Variants in RIGI observed in about 807,000 individuals in gnomAD.
The protein encoded by RIGI is RNA sensor RIG-I.
chr9:32,460,485 GAAAA>G, the RIGI span, among the ~76,000 whole-genome samples: 1 of 148,948 alleles, frequency 6.7e-6, no homozygotes, highest in African/African-American at 2.5e-5. Flanking sequence ...CAAACTGAAT[GAAAA>G]AAAAAGACAA....
the RIGI span, among the ~76,000 whole-genome samples, chr9:32,474,040 A>C: frequency 6.6e-6 from 1 of 152,028 alleles, no homozygotes; most frequent in East Asian, 1.9e-4. Context: ...AATTAAATAA[A>C]TAAAAATAAA....
the RIGI span, among the ~76,000 whole-genome samples, chr9:32,504,910 T>TATATAAAAGTA: frequency 1.4e-5 from 2 of 139,208 alleles, no homozygotes; most frequent in Non-Finnish European, 3.1e-5. Context: ...AAAGTATATA[T>TATATAAAAGTA]TATATCTATT....
At chr9:32,499,311 G>GTTTTTTTTT in the RIGI span, among the ~76,000 whole-genome samples, 393 of 80,966 alleles carry the variant, frequency 4.9e-3, 2 homozygotes, top group Non-Finnish European at 6.2e-3. Context: ...CAGAGTTTGT[G>GTTTTTTTTT]ATTTGTTTTT....
At chr9:32,506,864 T>C in the RIGI span, among the ~76,000 whole-genome samples, 2 of 152,234 alleles carry the variant, frequency 1.3e-5, no homozygotes, top group Non-Finnish European at 2.9e-5. Flanking sequence ...TTCATAAGTG[T>C]TCATTCTTTT....
At chr9:32,487,944 C>T in the RIGI span, 3 of 1,613,652 alleles carry the variant, frequency 1.9e-6, no homozygotes, top group South Asian at 2.2e-5. Flanking sequence ...TTTGGAGATA[C>T]CTGGGGCAGT....
the RIGI span, chr9:32,489,232 G>T: frequency 1.5e-6 from 1 of 655,812 alleles, no homozygotes. Context: ...TTTCTCAAAA[G>T]ACACATGGAA....
the RIGI span, among the ~76,000 whole-genome samples, chr9:32,472,023 G>A: frequency 6.6e-6 from 1 of 152,074 alleles, no homozygotes; most frequent in Admixed American, 6.6e-5. Context: ...TGAGGGGTGG[G>A]GGGCACAGCT....
chr9:32,456,880 G>A, the RIGI span: 11 of 450,854 alleles, frequency 2.4e-5, no homozygotes, highest in South Asian at 3.5e-4. Context: ...TAAAAAGAAG[G>A]CTAGAAATGA....
chr9:32,500,586 A>T, the RIGI span, among the ~76,000 whole-genome samples: 1 of 151,926 alleles, frequency 6.6e-6, no homozygotes, highest in East Asian at 1.9e-4. Flanking sequence ...ATCTTGCTAA[A>T]CTCTTCCATT....
the RIGI span, chr9:32,457,247 G>A: frequency 8.9e-4 from 1,443 of 1,614,070 alleles, 2 homozygotes; most frequent in Non-Finnish European, 1.1e-3. Flanking sequence ...TTTATAACTG[G>A]AATCTCAAAT....
chr9:32,488,649 T>A, the RIGI span: 2,371 of 1,355,854 alleles, frequency 1.7e-3, 38 homozygotes, highest in African/African-American at 0.031. Context: ...TAAATTTTTT[T>A]AAATCATTTG....
the RIGI span, chr9:32,480,152 T>C: frequency 6.5e-7 from 1 of 1,530,096 alleles, no homozygotes; most frequent in Non-Finnish European, 8.9e-7. Context: ...ATGCAATACA[T>C]GTTTGTTTTG....
At chr9:32,518,205 A>G in the RIGI span, among the ~76,000 whole-genome samples, 1 of 152,168 alleles carries the variant, frequency 6.6e-6, no homozygotes, top group Non-Finnish European at 1.5e-5. Flanking sequence ...ATTAATAATT[A>G]TGGACTTGAA....
At chr9:32,520,346 T>C in the RIGI span, among the ~76,000 whole-genome samples, 1 of 152,138 alleles carries the variant, frequency 6.6e-6, no homozygotes, top group Non-Finnish European at 1.5e-5. Context: ...TTTTATTTTG[T>C]GACATATTAG....
the RIGI span, among the ~76,000 whole-genome samples, chr9:32,503,071 G>C: frequency 1.3e-5 from 2 of 152,032 alleles, no homozygotes; most frequent in African/African-American, 4.8e-5. Flanking sequence ...AGCTTCCCTG[G>C]ACCCACAATC....
the RIGI span, among the ~76,000 whole-genome samples, chr9:32,511,094 T>G: frequency 2.0e-5 from 3 of 152,166 alleles, no homozygotes; most frequent in African/African-American, 4.8e-5. Flanking sequence ...ATAAAGCAAG[T>G]TCTTACAGAC....
chr9:32,459,326 C>G, the RIGI span: 3 of 1,597,444 alleles, frequency 1.9e-6, no homozygotes. Flanking sequence ...TAAGCTGTAG[C>G]TAGTGCTAAA....
At chr9:32,475,095 G>A in the RIGI span, among the ~76,000 whole-genome samples, 4 of 152,092 alleles carry the variant, frequency 2.6e-5, no homozygotes, top group Admixed American at 2.6e-4. Flanking sequence ...GTGATTACAG[G>A]TGCAAGCCAC....
At chr9:32,458,524 C>G in the RIGI span, among the ~76,000 whole-genome samples, 1 of 152,214 alleles carries the variant, frequency 6.6e-6, no homozygotes, top group African/African-American at 2.4e-5. Flanking sequence ...TTGTTTCACA[C>G]AGCTACAAAG....
Sources: gnomAD v4.1 joint callset for allele counts (sites outside exome capture counted in the v4.1 genomes callset) on GRCh38, gnomAD v4.1.1 for gene constraint, MANE v1.5 for transcripts, NCBI Gene and HGNC (gene_info 2026-07-23, HGNC 2026-07-21) for gene names.